The following EYA4 variants were observed in gnomAD, a reference collection of about 807,000 sequenced individuals.
EYA4 encodes protein phosphatase EYA4.
Under a neutral mutation model 87.9 loss-of-function variants are expected in EYA4, and 31 were observed. That is an observed-to-expected ratio of 0.35 (90% CI 0.27 to 0.48). The LOEUF is 0.48. EYA4 is among the 20% of genes least tolerant of loss of function. EYA4 has a pLI of 0.99. For synonymous variants in EYA4, 263 were observed against 270.6 expected, an observed-to-expected ratio of 0.97 and a Z score of 0.28; for missense variants, 678 against 761.4, an observed-to-expected ratio of 0.89 and a Z score of 1.29.
At chr6:133,527,019 C>T (rs528199270) in intron 19 of EYA4, among the ~76,000 whole-genome samples, 1 of 152,290 alleles carries the variant, frequency 6.6e-6, no homozygotes, top group South Asian at 2.1e-4. Context: ...TGTTTAGATT[C>T]GGTTTACCAG....
chr6:133,285,885 G>T (rs1369803709), intron 2 of EYA4, among the ~76,000 whole-genome samples: 1 of 152,168 alleles, frequency 6.6e-6, no homozygotes, highest in African/African-American at 2.4e-5. Context: ...ACTGAGATAG[G>T]ATGACTGGGG....
intron 9 of EYA4, 124 bp from the exon 10 acceptor site, chr6:133,464,655 C>T: frequency 1.4e-6 from 1 of 707,442 alleles, no homozygotes; most frequent in African/African-American, 1.8e-5. Flanking sequence ...AATGTCTCAA[C>T]TTCAAATTTC....
chr6:133,396,627 T>C (rs1787822908), intron 3 of EYA4, among the ~76,000 whole-genome samples: 1 of 152,220 alleles, frequency 6.6e-6, no homozygotes, highest in South Asian at 2.1e-4. Flanking sequence ...TCCTAGGTTT[T>C]TCTCATTATT....
chr6:133,369,561 C>A (rs1341365663), intron 2 of EYA4, among the ~76,000 whole-genome samples: 6 of 152,050 alleles, frequency 3.9e-5, no homozygotes, highest in Admixed American at 3.9e-4. Context: ...TAGAAGAGAG[C>A]CCTGTACTTT....
intron 13 of EYA4, among the ~76,000 whole-genome samples, chr6:133,487,815 G>T (rs1256172174): frequency 6.6e-6 from 1 of 152,150 alleles, no homozygotes; most frequent in East Asian, 1.9e-4. Context: ...AGCTGTGGTG[G>T]CTATGGAGAG....
At chr6:133,474,315 A>G (rs763573199) in intron 11 of EYA4, among the ~76,000 whole-genome samples, 26 of 152,108 alleles carry the variant, frequency 1.7e-4, no homozygotes, top group Non-Finnish European at 3.2e-4. Context: ...TCTCTGCAGG[A>G]AAAACACAGA....
intron 1 of EYA4, among the ~76,000 whole-genome samples, chr6:133,244,639 A>AG (rs1452578334): frequency 6.8e-6 from 1 of 148,056 alleles, no homozygotes; most frequent in Non-Finnish European, 1.5e-5. Context: ...AAAAAAAAAA[A>AG]GGAAAAACAA....
chr6:133,464,621 A>G (rs781148787), intron 9 of EYA4, among the ~76,000 whole-genome samples, 158 bp from the exon 10 acceptor site: 3 of 152,152 alleles, frequency 2.0e-5, no homozygotes, highest in Non-Finnish European at 4.4e-5. Context: ...CAAGAGGGAG[A>G]GAGCTAAGCC....
At chr6:133,371,599 T>C (rs1785271411) in intron 2 of EYA4, among the ~76,000 whole-genome samples, 1 of 152,140 alleles carries the variant, frequency 6.6e-6, no homozygotes. Context: ...TATCTCTACT[T>C]TGGTTTTTCT....
At chr6:133,430,183 C>T (rs1036169078) in intron 3 of EYA4, among the ~76,000 whole-genome samples, 1 of 152,132 alleles carries the variant, frequency 6.6e-6, no homozygotes, top group African/African-American at 2.4e-5. Context: ...TACATACATA[C>T]CATGGAATAC....
intron 5 of EYA4, among the ~76,000 whole-genome samples, chr6:133,449,846 GT>G (rs1274920286): frequency 6.6e-6 from 1 of 152,124 alleles, no homozygotes; most frequent in Admixed American, 6.5e-5. Flanking sequence ...ACTCCATTTG[GT>G]CAGATAAATT....
chr6:133,511,103 G>A (rs1799099280), intron 14 of EYA4, among the ~76,000 whole-genome samples: 1 of 152,128 alleles, frequency 6.6e-6, no homozygotes, highest in African/African-American at 2.4e-5. Context: ...ATACTCAGAA[G>A]GTACTGATTG....
At chr6:133,451,745 T>C (rs967856026) in intron 5 of EYA4, among the ~76,000 whole-genome samples, 2 of 152,186 alleles carry the variant, frequency 1.3e-5, no homozygotes, top group Non-Finnish European at 2.9e-5. Flanking sequence ...TATTTGATTC[T>C]ACATGGAGAT....
chr6:133,441,949 T>C (rs1792346173), intron 3 of EYA4, among the ~76,000 whole-genome samples: 1 of 151,868 alleles, frequency 6.6e-6, no homozygotes, highest in African/African-American at 2.4e-5. Flanking sequence ...TTTATATATA[T>C]GTTATATACA....
chr6:133,495,485 T>TACTCATTTATTTATA (rs142398992), intron 13 of EYA4, among the ~76,000 whole-genome samples: 43,271 of 119,870 alleles, frequency 0.36, 9,905 homozygotes, highest in Non-Finnish European at 0.44. Flanking sequence ...TAAAGAAATA[T>TACTCATTTATTTATA]AGAAGAGAGA....
In EYA4 at chr6:133,435,838, TACACAC is replaced by T. The variant is rs34013885; in HGVS notation, c.84-10782_84-10777del. Among the ~76,000 whole-genome samples, 436 of 151,194 alleles carry T rather than the reference TACACAC, an allele frequency of 2.9e-3. 3 individuals carry two copies. Among genetic ancestry groups the T allele is most frequent in the African/African-American group, 0.01 (415 of 41,284 alleles). On this transcript the variant is annotated intron_variant, in intron 3 of 19. Transcript: ENST00000355286. ...ACTCTAAAGTGCATGTGCACGCGTG[TACACAC>T]ACACACACAGACACAAACATGTGTG...
At chr6:133,515,965 A>G (rs957833365) in intron 17 of EYA4, among the ~76,000 whole-genome samples, 1 of 152,194 alleles carries the variant, frequency 6.6e-6, no homozygotes, top group African/African-American at 2.4e-5. Flanking sequence ...CTAAACAGTG[A>G]AATTCTGACT....
chr6:133,515,793 G>T (rs946609918), intron 17 of EYA4, among the ~76,000 whole-genome samples: 1 of 152,110 alleles, frequency 6.6e-6, no homozygotes, highest in South Asian at 2.1e-4. Flanking sequence ...AACTCAGTTG[G>T]TGGCAAAGTA....
chr6:133,312,847 T>C (rs1780335505), intron 2 of EYA4, among the ~76,000 whole-genome samples: 1 of 119,046 alleles, frequency 8.4e-6, no homozygotes, highest in Non-Finnish European at 2.1e-5. Context: ...ATTTTTTTTT[T>C]CCATTCCTTC....
Sources: allele counts gnomAD v4.1 joint callset (sites outside exome capture counted in the v4.1 genomes callset), GRCh38; gene constraint gnomAD v4.1.1; transcripts MANE v1.5; gene names NCBI Gene and HGNC (gene_info 2026-07-23, HGNC 2026-07-21).